The following RNF144A variants were observed in gnomAD, a reference collection of about 807,000 sequenced individuals.
RNF144A encodes the protein E3 ubiquitin-protein ligase RNF144A.
A neutral mutation model predicts 38.7 loss-of-function variants in RNF144A; 11 were observed. The ratio of observed to expected loss-of-function variants is 0.28; its 90% confidence interval spans 0.18 to 0.47. RNF144A has a LOEUF of 0.47. Ranked by LOEUF, RNF144A falls within the 20% of genes least tolerant of loss-of-function variation. The probability of loss-of-function intolerance (pLI) is 0.99; values close to 1 mark genes in which losing one functional copy is unlikely to be tolerated. For synonymous variants in RNF144A, 149 were observed against 143.9 expected (o/e 1.04, Z -0.25); for missense variants, 316 against 377.2 (o/e 0.84, Z 1.34).
chr2:6,988,974 A>G (rs147870337), intron 2 of RNF144A, among the ~76,000 whole-genome samples: 5 of 151,782 alleles, frequency 3.3e-5, no homozygotes, highest in Admixed American at 2.6e-4. Flanking sequence ...GTTGTCTCCT[A>G]TATTGTTTGG....
chr2:6,998,474 T>C (rs1481457120), intron 3 of RNF144A, among the ~76,000 whole-genome samples: 1 of 152,236 alleles, frequency 6.6e-6, no homozygotes. Flanking sequence ...AGATTCAGCC[T>C]TTCTTAAGGG....
intron 1 of RNF144A, among the ~76,000 whole-genome samples, chr2:6,920,097 C>G (rs1392836869): frequency 6.6e-6 from 1 of 152,228 alleles, no homozygotes; most frequent in Admixed American, 6.5e-5. Context: ...AGAAGTGCCA[C>G]TCTGGCAGGC....
chr2:6,994,852 G>T (rs1405439662), intron 2 of RNF144A, among the ~76,000 whole-genome samples: 2 of 152,202 alleles, frequency 1.3e-5, no homozygotes, highest in African/African-American at 4.8e-5. Flanking sequence ...GAAGGCCTGC[G>T]CAGATTCCCA....
At chr2:7,072,717 G>T (rs185937187), downstream of RNF144A, among the ~76,000 whole-genome samples, 19 of 152,330 alleles carry the variant, frequency 1.2e-4, no homozygotes, top group East Asian at 3.7e-3. Context: ...GCTTAGTGGT[G>T]TCAGGTACAA....
intron 1 of RNF144A, among the ~76,000 whole-genome samples, chr2:6,936,616 A>G (rs78798809): frequency 0.02 from 3,042 of 152,326 alleles, 109 homozygotes; most frequent in African/African-American, 0.071. Flanking sequence ...GGTGAAAGAA[A>G]GAAATGAATA....
intron 5 of RNF144A, among the ~76,000 whole-genome samples, chr2:7,016,802 G>A (rs528852866): frequency 6.6e-6 from 1 of 152,076 alleles, no homozygotes; most frequent in Non-Finnish European, 1.5e-5. Context: ...AGGACGCCCT[G>A]GAAGAAAACT....
At chr2:6,947,095 T>C (rs1276617554) in intron 2 of RNF144A, among the ~76,000 whole-genome samples, 1 of 152,172 alleles carries the variant, frequency 6.6e-6, no homozygotes, top group African/African-American at 2.4e-5. Flanking sequence ...GAAGTTATTA[T>C]AGCTATAAAA....
chr2:7,026,082 A>G (rs1215319514), intron 7 of RNF144A, among the ~76,000 whole-genome samples: 3 of 152,242 alleles, frequency 2.0e-5, no homozygotes, highest in Non-Finnish European at 4.4e-5. Context: ...GTTCAGACCA[A>G]TGGGCAAAGT....
chr2:7,068,233 G>T lies in RNF144A; in HGVS notation c.753G>T (p.Glu251Asp), dbSNP rs937851198. The T allele has an allele frequency of 1.6e-5, 21 of 1,302,264 alleles. No individual in the cohort carries two copies. In the Admixed American group the frequency reaches 4.8e-4, roughly 30 times the overall value. The allele number at this position is 1,302,264 out of a possible 1,614,324, so 80.7% of individuals were successfully genotyped here. Residue 251 changes from glutamate to aspartate, a missense_variant, in exon 7 of 7, where the codon GAG becomes GAT. Glu to Asp is a conservative substitution (Grantham distance 45). Coordinates refer to the RNF144A transcript ENST00000432850. ...TTTAACAGGGTGATGCCATCTTAGAGAAATGCATTCTCCATAATACTGAAT... is the reference window on the plus strand; with the variant it reads ...TTTAACAGGGTGATGCCATCTTAGATAAATGCATTCTCCATAATACTGAAT...
intron 2 of RNF144A, among the ~76,000 whole-genome samples, chr2:6,963,827 C>T (rs770605321): frequency 6.6e-6 from 1 of 152,170 alleles, no homozygotes; most frequent in Non-Finnish European, 1.5e-5. Context: ...TCCTCTCAGG[C>T]AGCTGCAAAC....
rs914067041 is a variant in RNF144A, at chr2:6,966,072, A to C, written c.-12+24925A>C. ...TGCAGGTACTTCAAAGTCTTAGCCC[A>C]TATATTTCACAGTAAGAAGAAATGG... On this transcript the variant is annotated intron_variant, in intron 2 of 8. Coordinates refer to ENST00000320892, the MANE Select transcript of RNF144A (RefSeq NM_014746.6). 2.6e-5 allele frequency among the ~76,000 whole-genome samples: 4 copies of C among 152,240 alleles called. No homozygotes were observed. In the East Asian group the frequency reaches 7.7e-4, roughly 29 times the overall value.
chr2:6,962,301 G>T lies in RNF144A; in HGVS notation c.-12+21154G>T, dbSNP rs138470784. 6.2e-4 allele frequency among the ~76,000 whole-genome samples: 94 copies of T among 152,292 alleles called. No homozygotes were observed. The highest frequency in any genetic ancestry group is 2.1e-3 in the African/African-American group (89 of 41,540). On this transcript the variant is annotated intron_variant, in intron 2 of 8. Coordinates refer to ENST00000320892, the MANE Select transcript of RNF144A (RefSeq NM_014746.6). This position sits in a 1 kb window ranked among gnomAD's most constrained non-coding sequence, Gnocchi z 4.1. The stretch of plus-strand genomic sequence containing the variant: ...TGCCCTTTTATTTATTACTGTACAC[G>T]TGGTAACAGAAAAGGGAAGATGGAG...
chr2:7,016,635 C>T (rs1342008333), intron 5 of RNF144A, among the ~76,000 whole-genome samples: 2 of 148,856 alleles, frequency 1.3e-5, no homozygotes, highest in African/African-American at 2.5e-5. Context: ...TTTAAGTATT[C>T]AGACTTCATA....
At chr2:6,982,258 C>T (rs981426452) in intron 2 of RNF144A, among the ~76,000 whole-genome samples, 1 of 152,172 alleles carries the variant, frequency 6.6e-6, no homozygotes, top group African/African-American at 2.4e-5. Flanking sequence ...AACCTTGCAG[C>T]TACTCGTAAG....
intron 6 of RNF144A, among the ~76,000 whole-genome samples, chr2:7,056,972 G>A (rs550117500): frequency 1.3e-5 from 2 of 152,338 alleles, no homozygotes; most frequent in South Asian, 2.1e-4. Flanking sequence ...TCCATCTGCT[G>A]AGGACCCTGA....
intron 3 of RNF144A, among the ~76,000 whole-genome samples, chr2:7,003,392 T>G (rs1342972968): frequency 6.6e-6 from 1 of 152,194 alleles, no homozygotes; most frequent in African/African-American, 2.4e-5. Flanking sequence ...CCTGTATAAG[T>G]ATATGATTTT....
intron 6 of RNF144A, among the ~76,000 whole-genome samples, chr2:7,066,157 G>A (rs1333466293): frequency 4.0e-5 from 6 of 151,254 alleles, no homozygotes; most frequent in East Asian, 3.9e-4. Context: ...GCCGGATCTC[G>A]GCTCACTACA....
downstream of RNF144A, among the ~76,000 whole-genome samples, chr2:7,069,119 G>A (rs925077773): frequency 3.9e-5 from 6 of 152,214 alleles, no homozygotes; most frequent in Non-Finnish European, 8.8e-5. Flanking sequence ...TTCACATGGG[G>A]CTTGTCCAGA....
chr2:7,052,838 A>AACACACACACACACACACACAC (rs10670138), intron 6 of RNF144A, among the ~76,000 whole-genome samples: 1 of 149,988 alleles, frequency 6.7e-6, no homozygotes, highest in African/African-American at 2.5e-5. Flanking sequence ...CCCCCTTTCC[A>AACACACACACACACACACACAC]ACACACACAC....
Sources: allele counts gnomAD v4.1 joint callset (sites outside exome capture counted in the v4.1 genomes callset), GRCh38; gene constraint gnomAD v4.1.1; non-coding constraint Gnocchi (gnomAD v3.1); transcripts MANE v1.5; gene names NCBI Gene and HGNC (gene_info 2026-07-23, HGNC 2026-07-21).